Variants in NET1 observed in about 807,000 individuals in gnomAD.
NET1 encodes neuroepithelial cell-transforming gene 1 protein.
In NET1, 42 loss-of-function variants were observed where a neutral mutation model predicts 61.1. That is an observed-to-expected ratio of 0.69 (90% confidence interval 0.54 to 0.89). NET1 has a LOEUF of 0.89. Ranked by LOEUF, NET1 falls within the 40% of genes least tolerant of loss-of-function variation. The pLI is 0.00. For missense variants in NET1, 654 were observed against 747.3 expected (o/e 0.88, Z 1.46); for synonymous variants, 254 against 281.8 (o/e 0.90, Z 0.99).
Position 5,456,772 on chromosome 10 carries a change from G to C in NET1, c.1569G>C (p.Glu523Asp), listed in dbSNP as rs1809598747. Residue 523 changes from glutamate to aspartate, a missense_variant, in exon 12 of 12, where the codon GAG becomes GAC. Physicochemically the swap from Glu to Asp is conservative, Grantham distance 45. Coordinates refer to ENST00000355029, the MANE Select transcript of NET1 (RefSeq NM_001047160.3). The surrounding 1 kb of genome is among the most constrained non-coding windows in gnomAD (Gnocchi z 7.0). The part of the protein sequence containing the change: ...QGLPELHEEC[E>D]GNHPSARKLT... Reference sequence around the variant, plus strand: ...TGCCGGAGCTGCACGAAGAGTGTGAGGGGAACCACCCCTCTGCGAGGAAAC... The same window carrying C: ...TGCCGGAGCTGCACGAAGAGTGTGACGGGAACCACCCCTCTGCGAGGAAAC... 6.2e-7 allele frequency: 1 copy of C among 1,613,504 alleles called. No individual in the cohort carries two copies. The highest frequency in any genetic ancestry group is 8.5e-7 in the Non-Finnish European group (1 of 1,179,792).
At chr10:5,413,591 G>A (rs1832037006) in intron 1 of NET1, among the ~76,000 whole-genome samples, 1 of 152,164 alleles carries the variant, frequency 6.6e-6, no homozygotes, top group Non-Finnish European at 1.5e-5. Context: ...TCAAGAAGAG[G>A]ACGTGGCGAG....
Position 5,453,117 on chromosome 10 carries a change from A to C in NET1, c.595-133A>C. On this transcript the variant is annotated intron_variant, in intron 6 of 11. Transcript: ENST00000355029. This position sits in a 1 kb window ranked among gnomAD's most constrained non-coding sequence, Gnocchi z 4.9. ...AGAGTTTATTTGGGGATTAATACAT[A>C]CTAATTTATTTTATGTGTAGCAAAC... The C allele has an allele frequency of 1.4e-6, 1 of 737,848 alleles. No individual in the cohort carries two copies. The highest frequency in any genetic ancestry group is 1.7e-5 in the South Asian group (1 of 60,594). 45.7% of individuals were successfully genotyped at this position (737,848 alleles called of 1,614,324 possible). A position where few individuals can be genotyped will look rare whatever the true frequency, so the allele number is the denominator to read the frequency against.
In NET1 at chr10:5,421,930, C is replaced by G. The variant is rs572363961; in HGVS notation, c.129-4725C>G. Among the ~76,000 whole-genome samples the G allele has an allele frequency of 6.6e-6, 1 of 152,314 alleles. No individual in the cohort carries two copies. ...TCAGTATTTCATTTTATTGCCAAAC[C>G]ATATTCCATTATATGAATATACTAC... is the stretch of plus-strand genomic sequence containing the variant. On this transcript the variant is annotated intron_variant, in intron 1 of 11. Coordinates refer to ENST00000355029, the MANE Select transcript of NET1 (RefSeq NM_001047160.3). The surrounding 1 kb of genome is among the most constrained non-coding windows in gnomAD (Gnocchi z 4.2).
intron 3 of NET1, among the ~76,000 whole-genome samples, chr10:5,430,043 A>AT (rs1331468780): frequency 6.6e-6 from 1 of 152,122 alleles, no homozygotes; most frequent in African/African-American, 2.4e-5. Context: ...CAGCAAGTCA[A>AT]TTTTTTTCTT....
At chr10:5,442,201 A>C (rs1832532687) in intron 3 of NET1, among the ~76,000 whole-genome samples, 1 of 152,228 alleles carries the variant, frequency 6.6e-6, no homozygotes. Context: ...TACAAATATA[A>C]TTACAAAGTT....
In NET1 at chr10:5,450,573, T is replaced by G. The variant is rs938932044; in HGVS notation, c.256-1257T>G. On this transcript the variant is annotated intron_variant, in intron 3 of 11. Coordinates refer to ENST00000355029, the MANE Select transcript of NET1 (RefSeq NM_001047160.3). ...CAAAGAATTTTTAGAAAAAGTTGCT[T>G]CTTCTGTTATTTTTAAATGATGTCT... Among the ~76,000 whole-genome samples the G allele has an allele frequency of 4.1e-4, 63 of 152,108 alleles. 1 individual carries two copies. Among genetic ancestry groups the G allele is most frequent in the African/African-American group, 1.4e-3 (57 of 41,438 alleles).
At position 5,416,949 on chromosome 10, in the gene NET1, T is replaced by G. The variant is rs1175123084; in HGVS notation, c.128+4129T>G. Among the ~76,000 whole-genome samples, 1 of 152,234 alleles carries G rather than the reference T, an allele frequency of 6.6e-6. No homozygotes were observed. Among genetic ancestry groups the G allele is most frequent in the South Asian group, 2.1e-4 (1 of 4,828 alleles). On this transcript the variant is annotated intron_variant, in intron 1 of 11. Coordinates refer to ENST00000355029, the MANE Select transcript of NET1 (RefSeq NM_001047160.3). This position sits in a 1 kb window ranked among gnomAD's most constrained non-coding sequence, Gnocchi z 6.1. ...CTTATTTCAAGGACAGGGGGCCTTC[T>G]GTATCCCAGGGTTCTTGCCTTGATG...
rs2119199959 is a variant in NET1 at position 5,443,584 on chromosome 10, G to A, written c.256-8246G>A. On this transcript the variant is annotated intron_variant, in intron 3 of 11. Transcript: ENST00000355029. This position sits in a 1 kb window ranked among gnomAD's most constrained non-coding sequence, Gnocchi z 4.8. Reference sequence around the variant, plus strand: ...AGACTCAAGATTCTTGAGTCCAGTTGAACTTCCGCATGTTCATCATTCCTT... The same window carrying A: ...AGACTCAAGATTCTTGAGTCCAGTTAAACTTCCGCATGTTCATCATTCCTT... Among the ~76,000 whole-genome samples, 1 of 152,252 alleles carries A rather than the reference G, an allele frequency of 6.6e-6. No homozygotes were observed. The highest frequency in any genetic ancestry group is 1.9e-4 in the East Asian group (1 of 5,176).
rs1832719559 is a variant in NET1 at position 5,452,379 on chromosome 10, C to T, written c.385C>T (p.His129Tyr). 2.5e-6 allele frequency: 4 copies of T among 1,611,890 alleles called. No individual in the cohort carries two copies. The highest frequency in any genetic ancestry group is 2.5e-6 in the Non-Finnish European group (3 of 1,178,744). ...TAAGTCATTTACCCTTCGTGGTGAC[C>T]ACAGATCCCCAGCCTCTGCCCAGAA... ...TIQSFTLRGD[H>Y]RSPASAQKFS... is the part of the protein sequence containing the mutation. The change falls in exon 5 of 12, where the codon CAC becomes TAC. Residue 129 changes from histidine to tyrosine, a missense_variant. Coordinates refer to ENST00000355029, the MANE Select transcript of NET1 (RefSeq NM_001047160.3). The surrounding 1 kb of genome is among the most constrained non-coding windows in gnomAD (Gnocchi z 4.0).
In NET1 at chr10:5,449,610, C is replaced by T. The variant is rs1230517592; in HGVS notation, c.256-2220C>T. On this transcript the variant is annotated intron_variant, in intron 3 of 11. Transcript: ENST00000355029. This position sits in a 1 kb window ranked among gnomAD's most constrained non-coding sequence, Gnocchi z 4.4. ...TATGCTTTAGATATATTTACATTCA[C>T]TTATCTAAATCTAAATTCTGTAGTT... Among the ~76,000 whole-genome samples the T allele has an allele frequency of 1.3e-5, 2 of 152,150 alleles. No homozygotes were observed. The highest frequency in any genetic ancestry group is 4.8e-5 in the African/African-American group (2 of 41,434).
Position 5,417,369 on chromosome 10 carries a change from T to G in NET1, c.128+4549T>G, listed in dbSNP as rs976493362. Among the ~76,000 whole-genome samples the G allele has an allele frequency of 5.3e-5, 8 of 152,210 alleles. No individual in the cohort carries two copies. Among genetic ancestry groups the G allele is most frequent in the Admixed American group, 4.6e-4 (7 of 15,298 alleles). ...GGAAAACAGAAATGCCTATCCTCAC[T>G]TAGGTCCGTGGGCCCAGGCCTGGGG... On this transcript the variant is annotated intron_variant, in intron 1 of 11. Coordinates refer to ENST00000355029, the MANE Select transcript of NET1 (RefSeq NM_001047160.3). The surrounding 1 kb of genome is among the most constrained non-coding windows in gnomAD (Gnocchi z 5.5).
chr10:5,452,335 T>C lies in NET1; in HGVS notation c.364-23T>C. 3 of 1,530,556 alleles carry C rather than the reference T, an allele frequency of 2.0e-6. No individual in the cohort carries two copies. Among genetic ancestry groups the C allele is most frequent in the Non-Finnish European group, 2.6e-6 (3 of 1,134,188 alleles). The allele number at this position is 1,530,556 out of a possible 1,614,324, so 94.8% of individuals were successfully genotyped here. A position where few individuals can be genotyped will look rare whatever the true frequency, so the allele number is the denominator to read the frequency against. ...TTTCTTCCAAATCTTATTTTCTCTT[T>C]TGTTCACCTTTTCTTTTTTAAGTCA... On this transcript the variant is annotated intron_variant, in intron 4 of 11. Transcript: ENST00000355029. The surrounding 1 kb of genome is among the most constrained non-coding windows in gnomAD (Gnocchi z 4.0).
At position 5,456,227 on chromosome 10, in the gene NET1, G is replaced by A; in HGVS notation, c.1338G>A (p.Val446=). The A allele has an allele frequency of 6.2e-7, 1 of 1,613,978 alleles. No homozygotes were observed. Among genetic ancestry groups the A allele is most frequent in the South Asian group, 1.1e-5 (1 of 90,998 alleles). Residue 446 remains valine (V), a synonymous_variant, in exon 11 of 12, where the codon GTG becomes GTA. Coordinates refer to ENST00000355029, the MANE Select transcript of NET1 (RefSeq NM_001047160.3). This position sits in a 1 kb window ranked among gnomAD's most constrained non-coding sequence, Gnocchi z 7.0. ...LVLEDLQDGD[V]RMGGSFRGAF... is the part of the protein sequence containing the mutation. Reference sequence around the variant, plus strand: ...TAGAAGACCTGCAGGATGGAGATGTGAGAATGGGAGGCTCCTTTCGAGGAG... The same window carrying A: ...TAGAAGACCTGCAGGATGGAGATGTAAGAATGGGAGGCTCCTTTCGAGGAG...
rs1832218504 is a variant in NET1, at chr10:5,423,830, A to G, written c.129-2825A>G. Among the ~76,000 whole-genome samples the G allele has an allele frequency of 6.6e-6, 1 of 152,140 alleles. No homozygotes were observed. Among genetic ancestry groups the G allele is most frequent in the South Asian group, 2.1e-4 (1 of 4,826 alleles). ...GAAAAAATGAGTATATGTCTTTCCA[A>G]GATTTGTGAAAGTTGGCACTGTCTC... On this transcript the variant is annotated intron_variant, in intron 1 of 11. Coordinates refer to ENST00000355029, the MANE Select transcript of NET1 (RefSeq NM_001047160.3). The surrounding 1 kb of genome is among the most constrained non-coding windows in gnomAD (Gnocchi z 4.4).
rs2119219330 is a variant in NET1, at chr10:5,456,630, C to G, written c.1427C>G (p.Ala476Gly). The change falls in exon 12 of 12, where the codon GCC becomes GGC. Residue 476 changes from alanine to glycine, a missense_variant. By Grantham distance (60) the Ala-to-Gly change is moderately conservative. Coordinates refer to ENST00000355029, the MANE Select transcript of NET1 (RefSeq NM_001047160.3). This position sits in a 1 kb window ranked among gnomAD's most constrained non-coding sequence, Gnocchi z 7.0. ...ATTCGCTTCCATGACCCCTCTCCAGCCCAGTCTCACACTCTGCAAGCCAAT... is the reference window on the plus strand; with the variant it reads ...ATTCGCTTCCATGACCCCTCTCCAGGCCAGTCTCACACTCTGCAAGCCAAT... ...FRIRFHDPSP[A>G]QSHTLQANDV... is the part of the protein sequence containing the mutation. 6.3e-7 allele frequency: 1 copy of G among 1,582,588 alleles called. No homozygotes were observed. Among genetic ancestry groups the G allele is most frequent in the Non-Finnish European group, 8.6e-7 (1 of 1,164,742 alleles).
At chr10:5,432,158 C>T (rs975027943) in intron 3 of NET1, among the ~76,000 whole-genome samples, 1 of 152,122 alleles carries the variant, frequency 6.6e-6, no homozygotes, top group Non-Finnish European at 1.5e-5. Flanking sequence ...GGGAATACTC[C>T]CTTCTACTGG....
At position 5,457,049 on chromosome 10, in the gene NET1, A is replaced by T; in HGVS notation, c.*55A>T. The T allele has an allele frequency of 6.7e-7, 1 of 1,484,688 alleles. No homozygotes were observed. The highest frequency in any genetic ancestry group is 9.0e-7 in the Non-Finnish European group (1 of 1,116,472). 92.0% of individuals were successfully genotyped at this position (1,484,688 alleles called of 1,614,324 possible). A position where few individuals can be genotyped will look rare whatever the true frequency, so the allele number is the denominator to read the frequency against. On this transcript the variant is annotated 3_prime_UTR_variant, in exon 12 of 12. Transcript: ENST00000355029. The surrounding 1 kb of genome is among the most constrained non-coding windows in gnomAD (Gnocchi z 5.4). ...AGACTGTTTGTTTATAAATGTGTAC[A>T]GTTTTGTTTTCTCGTAAGGGGAGCA...
At position 5,426,711 on chromosome 10, in the gene NET1, A is replaced by G. The variant is rs771709270; in HGVS notation, c.185A>G (p.Asp62Gly). 1 of 1,602,774 alleles carries G rather than the reference A, an allele frequency of 6.2e-7. No individual in the cohort carries two copies. The highest frequency in any genetic ancestry group is 8.5e-7 in the Non-Finnish European group (1 of 1,175,560). ...TTCTTAACACCTGGCCCCAACTGGG[A>G]CTTCACTTTGGTGAGTAGATACCTG... ...FTFLTPGPNW[D>G]FTLKRKRREK... is the part of the protein sequence containing the mutation. The change falls in exon 2 of 12, where the codon GAC becomes GGC. Residue 62 changes from aspartate (D) to glycine (G), a missense_variant. Transcript: ENST00000355029. This position sits in a 1 kb window ranked among gnomAD's most constrained non-coding sequence, Gnocchi z 4.6.
rs55840159 is a variant in NET1 at position 5,416,687 on chromosome 10, A to G, written c.128+3867A>G. 0.27 allele frequency among the ~76,000 whole-genome samples: 41,028 copies of G among 152,076 alleles called. 5,711 individuals are homozygous for G. The highest frequency in any genetic ancestry group is 0.29 in the Non-Finnish European group (19,405 of 67,978). On this transcript the variant is annotated intron_variant, in intron 1 of 11. Coordinates refer to ENST00000355029, the MANE Select transcript of NET1 (RefSeq NM_001047160.3). This position sits in a 1 kb window ranked among gnomAD's most constrained non-coding sequence, Gnocchi z 6.1. ...TGGATTCATTTCTTTTGAAATGGGA[A>G]AAGTTCCCTTTTCCCCCTCGCAGGG...
Sources: allele counts gnomAD v4.1 joint callset (sites outside exome capture counted in the v4.1 genomes callset), GRCh38; gene constraint gnomAD v4.1.1; non-coding constraint Gnocchi (gnomAD v3.1); transcripts MANE v1.5; gene names NCBI Gene and HGNC (gene_info 2026-07-23, HGNC 2026-07-21).